Variants in NOS1AP observed in about 807,000 individuals in gnomAD.
The protein encoded by NOS1AP is carboxyl-terminal PDZ ligand of neuronal nitric oxide synthase protein.
A neutral mutation model predicts 56.2 loss-of-function variants in NOS1AP; 21 were observed. The observed-to-expected ratio is 0.37, with a 90% CI of 0.26 to 0.54. The LOEUF (loss-of-function observed/expected upper bound fraction) is 0.54, where lower values mean the gene tolerates loss of function less well. Ranked by LOEUF, NOS1AP falls within the 20% of genes least tolerant of loss-of-function variation. NOS1AP has a pLI of 0.84. For synonymous variants in NOS1AP, 270 were observed against 274.6 expected, an observed-to-expected ratio of 0.98 and a Z score of 0.17; for missense variants, 522 against 657.8, an observed-to-expected ratio of 0.79 and a Z score of 2.26.
chr1:162,080,843 T>G (rs1042544589), intron 1 of NOS1AP, among the ~76,000 whole-genome samples: 3 of 152,226 alleles, frequency 2.0e-5, no homozygotes, highest in Admixed American at 2.0e-4. Context: ...TTCCAGGCAC[T>G]GTGCCAAGCT....
In NOS1AP at chr1:162,115,967, T is replaced by C. The variant is rs183616146; in HGVS notation, c.106-38438T>C. On this transcript the variant is annotated intron_variant, in intron 1 of 9. Transcript: ENST00000361897. ...CTCTGGGTGCTGAGTCCTCTCACGA[T>C]GTCAAATACTCAAAGTAGAAGGTTG... Among the ~76,000 whole-genome samples the C allele has an allele frequency of 1.9e-3, 296 of 152,318 alleles. 1 individual carries two copies. The highest frequency in any genetic ancestry group is 6.7e-3 in the African/African-American group (280 of 41,582).
chr1:162,194,751 G>A (rs1318919418), intron 2 of NOS1AP, among the ~76,000 whole-genome samples: 2 of 152,168 alleles, frequency 1.3e-5, no homozygotes, highest in Non-Finnish European at 2.9e-5. Context: ...TCGGGGGGTT[G>A]GGGCTGAGAG....
At chr1:162,114,779 T>G (rs2102044209) in intron 1 of NOS1AP, among the ~76,000 whole-genome samples, 1 of 152,326 alleles carries the variant, frequency 6.6e-6, no homozygotes, top group South Asian at 2.1e-4. Context: ...GATTTTGTCA[T>G]ATTCACTTGT....
intron 2 of NOS1AP, among the ~76,000 whole-genome samples, chr1:162,181,710 T>A (rs10918825): frequency 6.6e-6 from 1 of 151,986 alleles, no homozygotes; most frequent in Non-Finnish European, 1.5e-5. Flanking sequence ...ATGAGGGGAT[T>A]GATTTGGGCA....
chr1:162,205,732 C>T (rs1030798898), intron 2 of NOS1AP, among the ~76,000 whole-genome samples: 1 of 152,132 alleles, frequency 6.6e-6, no homozygotes, highest in East Asian at 1.9e-4. Flanking sequence ...TGCTGTAGAT[C>T]AGGCCTGTTA....
chr1:162,090,799 T>A (rs1264410244), intron 1 of NOS1AP, among the ~76,000 whole-genome samples: 2 of 152,152 alleles, frequency 1.3e-5, no homozygotes, highest in Non-Finnish European at 2.9e-5. Flanking sequence ...CTAATTTATG[T>A]TGTTCTTTCA....
chr1:162,217,352 C>T (rs1280668701), intron 2 of NOS1AP, among the ~76,000 whole-genome samples: 1 of 147,696 alleles, frequency 6.8e-6, no homozygotes, highest in South Asian at 2.2e-4. Context: ...CCACCTCTGC[C>T]TCCTGGGTTC....
At chr1:162,180,510 C>G (rs1205360691) in intron 2 of NOS1AP, among the ~76,000 whole-genome samples, 2 of 152,200 alleles carry the variant, frequency 1.3e-5, no homozygotes, top group Non-Finnish European at 2.9e-5. Flanking sequence ...TCCCAAAGTG[C>G]TGGGATTATA....
At chr1:162,228,862 A>G (rs1490233323) in intron 2 of NOS1AP, among the ~76,000 whole-genome samples, 2 of 152,146 alleles carry the variant, frequency 1.3e-5, no homozygotes, top group African/African-American at 4.8e-5. Context: ...AAAACAAGAG[A>G]AAAAAAATAC....
Position 162,290,682 on chromosome 1 carries a change from G to A in NOS1AP, c.270+3246G>A, listed in dbSNP as rs146868821. On this transcript the variant is annotated intron_variant, in intron 3 of 9. Coordinates refer to ENST00000361897, the MANE Select transcript of NOS1AP (RefSeq NM_014697.3). ...ACAGCCTGACATTGCCCACTGATTC[G>A]TTGGTGCTTGTGCCAGGCTAGTGGG... 8.3e-4 allele frequency among the ~76,000 whole-genome samples: 126 copies of A among 152,258 alleles called. 1 individual carries two copies. Among genetic ancestry groups the A allele is most frequent in the Non-Finnish European group, 1.6e-3 (106 of 68,012 alleles).
chr1:162,170,940 CA>C (rs71650179), intron 2 of NOS1AP, among the ~76,000 whole-genome samples: 189 of 128,160 alleles, frequency 1.5e-3, no homozygotes, highest in Admixed American at 2.0e-3. Flanking sequence ...AACTCCATCT[CA>C]AAAAAAAAAA....
chr1:162,155,271 T>G (rs1649901216), intron 2 of NOS1AP, among the ~76,000 whole-genome samples: 1 of 144,310 alleles, frequency 6.9e-6, no homozygotes, highest in Non-Finnish European at 1.5e-5. Flanking sequence ...TATATACACA[T>G]ACATATACAC....
intron 2 of NOS1AP, among the ~76,000 whole-genome samples, chr1:162,155,611 A>C (rs980887778): frequency 1.3e-5 from 2 of 152,020 alleles, no homozygotes; most frequent in African/African-American, 4.8e-5. Flanking sequence ...AAAGTTCACT[A>C]TACATTCTCG....
At chr1:162,216,825 A>T (rs4282792) in intron 2 of NOS1AP, among the ~76,000 whole-genome samples, 88,704 of 152,138 alleles carry the variant, frequency 0.58, 26,633 homozygotes, top group Non-Finnish European at 0.68. Flanking sequence ...TCAACTTTCT[A>T]AACTTCTCTG....
chr1:162,123,922 C>T (rs958130175), intron 1 of NOS1AP, among the ~76,000 whole-genome samples: 1 of 151,928 alleles, frequency 6.6e-6, no homozygotes, highest in Admixed American at 6.6e-5. Context: ...GTACAGTTGT[C>T]AAATTAAAAA....
intron 1 of NOS1AP, among the ~76,000 whole-genome samples, chr1:162,143,599 C>T (rs948707232): frequency 3.9e-5 from 6 of 152,218 alleles, no homozygotes; most frequent in Middle Eastern, 3.4e-3. Context: ...GCACTACAAG[C>T]GTGTACCACC....
At chr1:162,354,438 G>A (rs757782438) in intron 6 of NOS1AP, among the ~76,000 whole-genome samples, 1 of 152,248 alleles carries the variant, frequency 6.6e-6, no homozygotes, top group Non-Finnish European at 1.5e-5. Context: ...GTATTAAGCA[G>A]TATGCTGTGC....
intron 4 of NOS1AP, among the ~76,000 whole-genome samples, chr1:162,314,024 A>G (rs1656146249): frequency 1.3e-5 from 2 of 152,224 alleles, no homozygotes; most frequent in African/African-American, 4.8e-5. Flanking sequence ...TAGGTGCTCA[A>G]TAAATACATA....
At chr1:162,316,436 C>T (rs186369290) in intron 4 of NOS1AP, among the ~76,000 whole-genome samples, 11 of 152,314 alleles carry the variant, frequency 7.2e-5, no homozygotes, top group East Asian at 1.9e-4. Context: ...TCTGGTTGGC[C>T]GAGGATGCCA....
Sources: gnomAD v4.1 joint callset for allele counts (sites outside exome capture counted in the v4.1 genomes callset) on GRCh38, gnomAD v4.1.1 for gene constraint, MANE v1.5 for transcripts, NCBI Gene and HGNC (gene_info 2026-07-23, HGNC 2026-07-21) for gene names.